ALDH9A1: variants seen among roughly 807,000 people sequenced by gnomAD.
The protein encoded by ALDH9A1 is 4-trimethylaminobutyraldehyde dehydrogenase.
ALDH9A1 carries 42 observed loss-of-function variants against 56.6 expected under a neutral mutation model. The observed-to-expected ratio is 0.74, with a 90% CI of 0.58 to 0.96. The LOEUF (loss-of-function observed/expected upper bound fraction) is 0.96, where lower values mean the gene tolerates loss of function less well. Ranked by LOEUF, ALDH9A1 falls within the 40% of genes least tolerant of loss-of-function variation. The pLI, the probability that ALDH9A1 is intolerant of heterozygous loss-of-function variation, is 0.00. For missense variants in ALDH9A1, 661 were observed against 651.5 expected (o/e 1.01, Z -0.16); for synonymous variants, 242 against 236.0 (o/e 1.03, Z -0.23).
chr1:165,698,331 G>A, intron 1 of ALDH9A1, 47 bp downstream of exon 1: 1 of 1,549,752 alleles, frequency 6.5e-7, no homozygotes, highest in Non-Finnish European at 8.7e-7. Context: ...GGAAATCCGC[G>A]CATCCGGCCC....
At chr1:165,692,026 T>A (rs1194770443) in intron 2 of ALDH9A1, among the ~76,000 whole-genome samples, 1 of 152,208 alleles carries the variant, frequency 6.6e-6, no homozygotes, top group Non-Finnish European at 1.5e-5. Context: ...CAGCCCTTCA[T>A]GCTAAAAACT....
Position 165,665,807 on chromosome 1 carries a change from G to A in ALDH9A1, c.1350-677C>T, listed in dbSNP as rs180936118. Among the ~76,000 whole-genome samples, 179 of 152,226 alleles carry A rather than the reference G, an allele frequency of 1.2e-3. 5 individuals are homozygous for A. In the South Asian group the frequency reaches 0.02, roughly 17 times the overall value. ...AAATTAGAACCTTCATACGTTGTTC[G>A]GAGGAATGTAAAATGGTGCTGCGAA... On this transcript the variant is annotated intron_variant, in intron 9 of 10. Transcript: ENST00000354775.
Position 165,698,391 on chromosome 1 carries a change from G to T in ALDH9A1, c.168C>A (p.Phe56Leu). The T allele has an allele frequency of 6.3e-7, 1 of 1,593,288 alleles. No homozygotes were observed. The highest frequency in any genetic ancestry group is 1.1e-5 in the South Asian group (1 of 89,138). The stretch of plus-strand genomic sequence containing the variant: ...CGTTGCAGTTACCGGTTGCTGGCTC[G>T]AAAGCTTTCTCGGTACCGGAGGCGT... The part of the protein sequence containing the change: ...PADASGTEKA[F>L]EPATGRVIAT... The change falls in exon 1 of 11, where the codon TTC (phenylalanine) becomes TTA (leucine). Residue 56 changes from phenylalanine to leucine, a missense_variant. Transcript: ENST00000354775.
intron 2 of ALDH9A1, 61 bp from the exon 3 acceptor site, chr1:165,683,171 T>C: frequency 1.3e-6 from 2 of 1,545,532 alleles, no homozygotes; most frequent in Non-Finnish European, 1.8e-6. Flanking sequence ...ATGTAATTAA[T>C]GCTTAAATAG....
chr1:165,691,972 C>T (rs375859321), intron 2 of ALDH9A1, among the ~76,000 whole-genome samples: 3 of 152,066 alleles, frequency 2.0e-5, no homozygotes, highest in Non-Finnish European at 4.4e-5. Flanking sequence ...ACAAAAACCA[C>T]GACTATCTCA....
intron 10 of ALDH9A1, among the ~76,000 whole-genome samples, chr1:165,664,131 A>AC (rs1648932209): frequency 6.6e-6 from 1 of 152,174 alleles, no homozygotes; most frequent in Non-Finnish European, 1.5e-5. Context: ...TCCTCTGAGT[A>AC]CCCCACCGGG....
chr1:165,683,187 A>C, intron 2 of ALDH9A1, 77 bp from the exon 3 acceptor site: 1 of 1,437,054 alleles, frequency 7.0e-7, no homozygotes, highest in Non-Finnish European at 9.6e-7. Flanking sequence ...AATAGAACAC[A>C]CTGCTCAATT....
intron 4 of ALDH9A1, among the ~76,000 whole-genome samples, chr1:165,681,153 G>A (rs1195064043): frequency 6.6e-6 from 1 of 152,182 alleles, no homozygotes; most frequent in Non-Finnish European, 1.5e-5. Context: ...GTTGAGATTT[G>A]GGTGGGGACA....
At chr1:165,696,480 A>C (rs1275540181) in intron 1 of ALDH9A1, among the ~76,000 whole-genome samples, 1 of 152,226 alleles carries the variant, frequency 6.6e-6, no homozygotes, top group Non-Finnish European at 1.5e-5. Context: ...TATTCTATGT[A>C]GGTTATATCA....
rs975022393 is a variant in ALDH9A1 at position 165,694,319 on chromosome 1, C to T, written c.327+933G>A. On this transcript the variant is annotated intron_variant, in intron 2 of 10. Transcript: ENST00000354775. Reference sequence around the variant, plus strand: ...GGAAACAAAAGAAACCTTTTGTTTCCGTCAAGTTTCAAACAGAGGACCTTC... The same window carrying T: ...GGAAACAAAAGAAACCTTTTGTTTCTGTCAAGTTTCAAACAGAGGACCTTC... Among the ~76,000 whole-genome samples the T allele has an allele frequency of 3.9e-5, 6 of 152,032 alleles. No individual in the cohort carries two copies. The East Asian group carries it at 5.8e-4, about 15-fold the overall frequency.
chr1:165,683,626 T>C (rs930351971), intron 2 of ALDH9A1, among the ~76,000 whole-genome samples: 1 of 152,198 alleles, frequency 6.6e-6, no homozygotes, highest in Admixed American at 6.5e-5. Flanking sequence ...TAACACACAA[T>C]TGCATTTAAG....
intron 10 of ALDH9A1, among the ~76,000 whole-genome samples, chr1:165,663,436 G>A (rs1648904727): frequency 6.6e-6 from 1 of 152,162 alleles, no homozygotes; most frequent in Non-Finnish European, 1.5e-5. Flanking sequence ...AAAATGCTTG[G>A]ATTTTATATC....
At chr1:165,697,422 A>C (rs1571189474) in intron 1 of ALDH9A1, among the ~76,000 whole-genome samples, 1 of 152,384 alleles carries the variant, frequency 6.6e-6, no homozygotes, top group South Asian at 2.1e-4. Flanking sequence ...AGGTATACAT[A>C]CATTACAACA....
intron 7 of ALDH9A1, 22 bp downstream of exon 7, chr1:165,669,240 C>A: frequency 6.3e-7 from 1 of 1,582,124 alleles, no homozygotes. Context: ...CCAACCCCAC[C>A]CTACTGCCAA....
chr1:165,671,238 T>G (rs976700421), intron 6 of ALDH9A1: 1 of 212,406 alleles, frequency 4.7e-6, no homozygotes, highest in African/African-American at 2.3e-5. Context: ...TTCCTTTTGC[T>G]GCCTGACAGC....
intron 2 of ALDH9A1, among the ~76,000 whole-genome samples, chr1:165,693,828 A>G (rs71628390): frequency 0.31 from 47,274 of 152,056 alleles, 7,707 homozygotes; most frequent in South Asian, 0.55. Context: ...ATGCCCATCA[A>G]TGATAGACTG....
chr1:165,669,110 C>T, intron 7 of ALDH9A1, 97 bp from the exon 8 acceptor site: 1 of 1,336,508 alleles, frequency 7.5e-7, no homozygotes, highest in Non-Finnish European at 1.0e-6. Context: ...CATAGTCTTC[C>T]CAGTGCAGGT....
rs766699539 is a variant in ALDH9A1, at chr1:165,698,502, G to A, written c.57C>T (p.Pro19=). 2 of 1,611,002 alleles carry A rather than the reference G, an allele frequency of 1.2e-6. No individual in the cohort carries two copies. The highest frequency in any genetic ancestry group is 1.7e-6 in the Non-Finnish European group (2 of 1,178,972). ...CAGTGCTCATGGCGGCGACAGGAGAGGGCCGAAGACTGCGAAGAAGCGGGG... is the reference window on the plus strand; with the variant it reads ...CAGTGCTCATGGCGGCGACAGGAGAAGGCCGAAGACTGCGAAGAAGCGGGG... ...ALSPLLRSLR[P]SPVAAMSTGT... The change falls in exon 1 of 11, where the codon CCC becomes CCT. Residue 19 remains proline, a synonymous_variant. Coordinates refer to ENST00000354775, the MANE Select transcript of ALDH9A1 (RefSeq NM_000696.4).
In ALDH9A1 at chr1:165,679,457, G is replaced by A; in HGVS notation, c.915C>T (p.Phe305=). 1 of 1,614,150 alleles carries A rather than the reference G, an allele frequency of 6.2e-7. No individual in the cohort carries two copies. Among genetic ancestry groups the A allele is most frequent in the Non-Finnish European group, 8.5e-7 (1 of 1,180,016 alleles). ...AGGTACATACCTGGCCTTGTGTGAG[G>A]AAGTTGGCCATCAGCGCCCCCTTTA... ...NAVKGALMAN[F]LTQGQVCCNG... The change falls in exon 6 of 11, where the codon TTC becomes TTT. Residue 305 remains phenylalanine (F), a synonymous_variant. Coordinates refer to ENST00000354775, the MANE Select transcript of ALDH9A1 (RefSeq NM_000696.4).
Sources: allele counts gnomAD v4.1 joint callset (sites outside exome capture counted in the v4.1 genomes callset), GRCh38; gene constraint gnomAD v4.1.1; transcripts MANE v1.5; gene names NCBI Gene and HGNC (gene_info 2026-07-23, HGNC 2026-07-21).